The following C10orf90 variants were observed in gnomAD, a reference collection of about 807,000 sequenced individuals.
The protein encoded by C10orf90 is (E2-independent) E3 ubiquitin-conjugating enzyme FATS.
C10orf90 carries 56 observed loss-of-function variants against 62.5 expected under a neutral mutation model. That is an observed-to-expected ratio of 0.90 (90% CI 0.72 to 1.12). C10orf90 has a LOEUF of 1.12. Ranked by LOEUF, C10orf90 falls within the 50% of genes most tolerant of loss-of-function variation. The pLI, the probability that C10orf90 is intolerant of heterozygous loss-of-function variation, is 0.00. For synonymous variants in C10orf90, 386 were observed against 340.4 expected, an observed-to-expected ratio of 1.13 and a Z score of -1.47; for missense variants, 970 against 880.4, an observed-to-expected ratio of 1.10 and a Z score of -1.29.
chr10:126,481,656 G>A (rs1490230544), intron 4 of C10orf90, among the ~76,000 whole-genome samples: 4 of 152,294 alleles, frequency 2.6e-5, no homozygotes, highest in South Asian at 4.1e-4. Context: ...AGGTACCAGC[G>A]TTGGGGCTCA....
intron 2 of C10orf90, among the ~76,000 whole-genome samples, chr10:126,617,924 G>A (rs997244590): frequency 6.6e-6 from 1 of 152,192 alleles, no homozygotes; most frequent in South Asian, 2.1e-4. Flanking sequence ...AAATGTTAAC[G>A]TATGCCAATT....
intron 4 of C10orf90, among the ~76,000 whole-genome samples, chr10:126,467,133 T>G (rs1564812802): frequency 6.6e-6 from 1 of 152,230 alleles, no homozygotes; most frequent in Non-Finnish European, 1.5e-5. Context: ...TTAATCTATC[T>G]ATCATCTATC....
chr10:126,659,819 A>T (rs1846472030), intron 1 of C10orf90, among the ~76,000 whole-genome samples: 1 of 152,186 alleles, frequency 6.6e-6, no homozygotes, highest in African/African-American at 2.4e-5. Flanking sequence ...ATCAAGGAAG[A>T]TCTCTTACAT....
chr10:126,633,762 G>A (rs116523934), intron 2 of C10orf90, among the ~76,000 whole-genome samples: 17 of 152,078 alleles, frequency 1.1e-4, no homozygotes, highest in Non-Finnish European at 4.4e-5. Context: ...CCCCCAACAC[G>A]CAGGAAACAT....
chr10:126,576,665 A>C (rs1195428995), intron 2 of C10orf90, among the ~76,000 whole-genome samples: 3,885 of 78,490 alleles, frequency 0.049, 1,132 homozygotes, highest in Middle Eastern at 0.092. Context: ...ATATGTATAC[A>C]TATATATGTA....
At chr10:126,533,072 A>G (rs1303525022) in intron 2 of C10orf90, among the ~76,000 whole-genome samples, 1 of 150,814 alleles carries the variant, frequency 6.6e-6, no homozygotes, top group Admixed American at 6.6e-5. Flanking sequence ...AGCTGGGACT[A>G]CAGGAACCCG....
intron 2 of C10orf90, among the ~76,000 whole-genome samples, chr10:126,621,235 G>T (rs1002876474): frequency 6.6e-6 from 1 of 152,172 alleles, no homozygotes; most frequent in African/African-American, 2.4e-5. Flanking sequence ...TATAAACTTA[G>T]ATTTTACTTA....
At chr10:126,670,057 T>C (rs1846716766) in intron 1 of C10orf90, among the ~76,000 whole-genome samples, 184 bp downstream of exon 1, 1 of 152,174 alleles carries the variant, frequency 6.6e-6, no homozygotes, top group African/African-American at 2.4e-5. Flanking sequence ...CCCTCCCCCA[T>C]ATTTCAAAAA....
chr10:126,565,520 C>T (rs1324486126), intron 2 of C10orf90, among the ~76,000 whole-genome samples: 1 of 142,588 alleles, frequency 7.0e-6, no homozygotes, highest in Non-Finnish European at 1.5e-5. Flanking sequence ...TTGTAGAACA[C>T]CGAGCTCTGC....
intron 2 of C10orf90, among the ~76,000 whole-genome samples, chr10:126,560,145 C>G (rs1864867790): frequency 6.6e-6 from 1 of 152,152 alleles, no homozygotes; most frequent in Non-Finnish European, 1.5e-5. Flanking sequence ...CCCAACAAAT[C>G]TCACTAGACA....
chr10:126,655,488 G>A (rs1846375049), intron 1 of C10orf90, among the ~76,000 whole-genome samples: 1 of 152,104 alleles, frequency 6.6e-6, no homozygotes, highest in Admixed American at 6.6e-5. Context: ...CAATACAATT[G>A]CCACAAACCT....
At chr10:126,503,479 C>T (rs530346685) in intron 4 of C10orf90, among the ~76,000 whole-genome samples, 18 of 152,262 alleles carry the variant, frequency 1.2e-4, no homozygotes, top group African/African-American at 3.9e-4. Context: ...CACACTTACA[C>T]GCTCCATTAT....
chr10:126,505,186 T>C, intron 3 of C10orf90, 101 bp from the exon 4 acceptor site: 2 of 1,234,948 alleles, frequency 1.6e-6, no homozygotes, highest in Non-Finnish European at 2.2e-6. Context: ...ACTGGGTTCA[T>C]AACACTCAGA....
intron 2 of C10orf90, among the ~76,000 whole-genome samples, chr10:126,599,454 C>T (rs973106546): frequency 6.6e-6 from 1 of 151,764 alleles, no homozygotes; most frequent in Non-Finnish European, 1.5e-5. Flanking sequence ...CCTGCCTCGG[C>T]CTCCCAAAGT....
rs1430561651 is a variant in C10orf90, at chr10:126,547,291, C to T, written c.314-33352G>A. ...AAAATTAGCCGGGCGTGGTGGCGGG[C>T]GCCTGTAGTCCCAGCTACTCAGGAG... is the stretch of plus-strand genomic sequence containing the variant. On this transcript the variant is annotated intron_variant, in intron 2 of 9. Coordinates refer to ENST00000488181, the MANE Select transcript of C10orf90 (RefSeq NM_001350921.2). Among the ~76,000 whole-genome samples, 12 of 150,500 alleles carry T rather than the reference C, an allele frequency of 8.0e-5. 1 individual carries two copies. Among genetic ancestry groups the T allele is most frequent in the Admixed American group, 3.3e-4 (5 of 15,154 alleles).
rs1564873371 is a variant in C10orf90 at position 126,564,835 on chromosome 10, T to TATATATATAATATATATA, written c.314-50897_314-50896insTATATATATTATATATAT. Among the ~76,000 whole-genome samples, 4 of 3,198 alleles carry TATATATATAATATATATA rather than the reference T, an allele frequency of 1.3e-3. 2 individuals carry two copies. Among genetic ancestry groups the TATATATATAATATATATA allele is most frequent in the Non-Finnish European group, 2.5e-3 (4 of 1,592 alleles). The allele number at this position is 3,198 out of a possible 152,430, so 2.1% of individuals were successfully genotyped here. A position where few individuals can be genotyped will look rare whatever the true frequency, so the allele number is the denominator to read the frequency against. On this transcript the variant is annotated intron_variant, in intron 2 of 9. Transcript: ENST00000488181. ...TTAGGAATAAGACTCTCTCTCTCTA[T>TATATATATAATATATATA]ATATATATTATATATTATATAAAAT...
rs1320844354 is a variant in C10orf90 at position 126,504,688 on chromosome 10, T to C, written c.803A>G (p.Asp268Gly). 4 of 1,613,596 alleles carry C rather than the reference T, an allele frequency of 2.5e-6. No homozygotes were observed. In the African/African-American group the frequency reaches 5.3e-5, roughly 22 times the overall value. ...DSLCPKCRAEDTLFQAPPALA... is the reference protein window; with the variant it reads ...DSLCPKCRAEGTLFQAPPALA... Reference sequence around the variant, plus strand: ...AGCCGGGGGCGCCTGGAACAGTGTGTCCTCAGCCCTGCACTTGGGGCACAG... The same window carrying C: ...AGCCGGGGGCGCCTGGAACAGTGTGCCCTCAGCCCTGCACTTGGGGCACAG... Residue 268 changes from aspartate (D) to glycine (G), a missense_variant, in exon 4 of 10, where the codon GAC becomes GGC. By Grantham distance (94) the Asp-to-Gly change is moderately conservative. Transcript: ENST00000488181. This position sits in a 1 kb window ranked among gnomAD's most constrained non-coding sequence, Gnocchi z 4.1.
chr10:126,553,455 A>G (rs1864684536), intron 2 of C10orf90, among the ~76,000 whole-genome samples: 1 of 152,200 alleles, frequency 6.6e-6, no homozygotes, highest in Non-Finnish European at 1.5e-5. Flanking sequence ...CATTTCAGTT[A>G]ATGACAGACC....
intron 1 of C10orf90, among the ~76,000 whole-genome samples, chr10:126,668,512 G>C (rs1207805222): frequency 6.6e-6 from 1 of 152,180 alleles, no homozygotes; most frequent in Non-Finnish European, 1.5e-5. Flanking sequence ...GAGATGTCAT[G>C]GTAGGAATAA....
Sources: gnomAD v4.1 joint callset for allele counts (sites outside exome capture counted in the v4.1 genomes callset) on GRCh38, gnomAD v4.1.1 for gene constraint, Gnocchi (gnomAD v3.1) non-coding constraint, MANE v1.5 for transcripts, NCBI Gene and HGNC (gene_info 2026-07-23, HGNC 2026-07-21) for gene names.